Variants in TPST2 observed in about 807,000 individuals in gnomAD.
TPST2 encodes the protein tyrosylprotein sulfotransferase 2.
TPST2 carries 16 observed loss-of-function variants against 27.8 expected under a neutral mutation model. The observed-to-expected ratio is 0.58, with a 90% confidence interval of 0.39 to 0.88. The LOEUF (loss-of-function observed/expected upper bound fraction) is 0.88. Among genes scored for constraint, TPST2 ranks in the 40% least tolerant of loss-of-function variants. TPST2 has a pLI of 0.00. For synonymous variants in TPST2, 229 were observed against 231.7 expected, an observed-to-expected ratio of 0.99 and a Z score of 0.10; for missense variants, 464 against 543.1, an observed-to-expected ratio of 0.85 and a Z score of 1.45.
At chr22:26,540,151 A>G (rs986901405) in intron 3 of TPST2, among the ~76,000 whole-genome samples, 2 of 152,238 alleles carry the variant, frequency 1.3e-5, no homozygotes, top group African/African-American at 4.8e-5. Context: ...CATGTTACAG[A>G]TGAAGCAATG....
At chr22:26,557,730 G>A (rs1223912142) in intron 1 of TPST2, among the ~76,000 whole-genome samples, 3 of 112,760 alleles carry the variant, frequency 2.7e-5, no homozygotes, top group Non-Finnish European at 4.0e-5. Context: ...TAGCTGCTGG[G>A]GGACCCAGGG....
Position 26,541,790 on chromosome 22 carries a change from C to G in TPST2, c.-88-72G>C. 2.2e-6 allele frequency: 3 copies of G among 1,351,004 alleles called. No homozygotes were observed. The highest frequency in any genetic ancestry group is 2.9e-6 in the Non-Finnish European group (3 of 1,029,914). 83.7% of individuals were successfully genotyped at this position (1,351,004 alleles called of 1,614,324 possible). ...TGAGCTCTCCAATAACTGCAAAGCCCTATAACTGCAAACAAGAGGCTGCTG... is the reference window on the plus strand; with the variant it reads ...TGAGCTCTCCAATAACTGCAAAGCCGTATAACTGCAAACAAGAGGCTGCTG... On this transcript the variant is annotated intron_variant, in intron 2 of 6. Coordinates refer to ENST00000338754, the MANE Select transcript of TPST2 (RefSeq NM_003595.5). This position sits in a 1 kb window ranked among gnomAD's most constrained non-coding sequence, Gnocchi z 5.9.
At chr22:26,540,768 A>T in intron 3 of TPST2, 21 bp downstream of exon 3, 1 of 1,543,812 alleles carries the variant, frequency 6.5e-7, no homozygotes, top group Non-Finnish European at 8.7e-7. Context: ...TCTGAGTGGA[A>T]GCATCAGGGG....
chr22:26,568,755 T>C (rs1569193196), intron 1 of TPST2, among the ~76,000 whole-genome samples: 1 of 152,196 alleles, frequency 6.6e-6, no homozygotes, highest in Admixed American at 6.5e-5. Flanking sequence ...TAACCATAAA[T>C]ATAGCCAACC....
In TPST2 at chr22:26,541,193, G is replaced by A. The variant is rs981597344; in HGVS notation, c.438C>T (p.Ala146=). The A allele has an allele frequency of 3.8e-6, 6 of 1,590,590 alleles. No individual in the cohort carries two copies. Among genetic ancestry groups the A allele is most frequent in the Non-Finnish European group, 5.1e-6 (6 of 1,166,312 alleles). The change falls in exon 3 of 7, where the codon GCC becomes GCT. Residue 146 remains alanine, a synonymous_variant. Coordinates refer to ENST00000338754, the MANE Select transcript of TPST2 (RefSeq NM_003595.5). The surrounding 1 kb of genome is among the most constrained non-coding windows in gnomAD (Gnocchi z 5.9). The part of the protein sequence containing the change: ...AMQAFILEVI[A]KHGEPARVLC... ...GCACGCGGGCCGGCTCTCCGTGCTT[G>A]GCAATCACCTCCAGGATGAAGGCCT...
At chr22:26,536,519 G>A in intron 3 of TPST2, 33 bp from the exon 4 acceptor site, 2 of 1,472,246 alleles carry the variant, frequency 1.4e-6, no homozygotes, top group South Asian at 1.5e-5. Context: ...AGAGGGTAGG[G>A]CAGACCCAGA....
At chr22:26,578,852 T>TC (rs1194217838) in intron 1 of TPST2, among the ~76,000 whole-genome samples, 3 of 151,132 alleles carry the variant, frequency 2.0e-5, no homozygotes, top group Non-Finnish European at 3.0e-5. Flanking sequence ...TTTCTTTCTT[T>TC]CTTTTTTTTT....
chr22:26,580,181 C>G (rs1290732859), intron 1 of TPST2, among the ~76,000 whole-genome samples: 1 of 152,124 alleles, frequency 6.6e-6, no homozygotes, highest in Non-Finnish European at 1.5e-5. Flanking sequence ...GAGTTCAAGG[C>G]TGCAATGCTG....
At chr22:26,549,683 A>G (rs1366676940) in intron 1 of TPST2, among the ~76,000 whole-genome samples, 4 of 148,512 alleles carry the variant, frequency 2.7e-5, no homozygotes, top group Admixed American at 6.7e-5. Context: ...AAAGAAAAAG[A>G]AAAAAGAAAA....
intron 1 of TPST2, among the ~76,000 whole-genome samples, chr22:26,563,171 T>C (rs1447618802): frequency 1.3e-5 from 2 of 152,110 alleles, no homozygotes; most frequent in South Asian, 2.1e-4. Context: ...CCAGTAAACA[T>C]TGCTTGAGCA....
chr22:26,541,245 G>T lies in TPST2; in HGVS notation c.386C>A (p.Thr129Lys). The T allele has an allele frequency of 6.5e-7, 1 of 1,549,148 alleles. No individual in the cohort carries two copies. Among genetic ancestry groups the T allele is most frequent in the Non-Finnish European group, 8.7e-7 (1 of 1,145,424 alleles). ...CATGGCGGCGTCCAGCACCTCATCC[G>T]TCACCCCCGCCTCATCCAGCCGCAG... ...EKLRLDEAGV[T>K]DEVLDAAMQA... The change falls in exon 3 of 7, where the codon ACG becomes AAG. Residue 129 changes from threonine (T) to lysine (K), a missense_variant. Physicochemically the swap from Thr to Lys is moderately conservative, Grantham distance 78 (BLOSUM62 -1). Transcript: ENST00000338754. This position sits in a 1 kb window ranked among gnomAD's most constrained non-coding sequence, Gnocchi z 5.9.
At chr22:26,553,087 GAC>G (rs1377061887) in intron 1 of TPST2, among the ~76,000 whole-genome samples, 1 of 105,586 alleles carries the variant, frequency 9.5e-6, no homozygotes, top group African/African-American at 3.5e-5. Context: ...AAAAAAAAAA[GAC>G]ACTATCAGCA....
chr22:26,529,676 A>C (rs1319545443), intron 5 of TPST2, among the ~76,000 whole-genome samples: 1 of 152,194 alleles, frequency 6.6e-6, no homozygotes, highest in Admixed American at 6.5e-5. Context: ...TCTGTGACCC[A>C]TCCCCCATAC....
chr22:26,550,095 G>C (rs536623979), intron 1 of TPST2, among the ~76,000 whole-genome samples: 1 of 151,880 alleles, frequency 6.6e-6, no homozygotes, highest in Non-Finnish European at 1.5e-5. Flanking sequence ...AGGAAACTTT[G>C]CTCCCTCTTT....
At position 26,547,893 on chromosome 22, in the gene TPST2, G is replaced by A. The variant is rs148967530; in HGVS notation, c.-160-3218C>T. Among the ~76,000 whole-genome samples, 8 of 152,320 alleles carry A rather than the reference G, an allele frequency of 5.3e-5. No homozygotes were observed. In the East Asian group the frequency reaches 1.3e-3, roughly 26 times the overall value. On this transcript the variant is annotated intron_variant, in intron 1 of 6. Coordinates refer to ENST00000338754, the MANE Select transcript of TPST2 (RefSeq NM_003595.5). ...TATTTTTCTCCTAAAAACATAACTT[G>A]ATGGTGTCATCTTATTGTCTTTCCA...
chr22:26,533,957 G>A (rs1925309216), intron 4 of TPST2, among the ~76,000 whole-genome samples: 1 of 152,164 alleles, frequency 6.6e-6, no homozygotes, highest in South Asian at 2.1e-4. Flanking sequence ...TTATAGACAT[G>A]AGCCATCATG....
Position 26,574,749 on chromosome 22 carries a change from T to A in TPST2, c.-161+15304A>T, listed in dbSNP as rs117143092. ...TGCAATGAAGGAGCACTCACCAGCA[T>A]CCTCACCACCCAGAATGTAGGCTCC... On this transcript the variant is annotated intron_variant, in intron 1 of 6. Coordinates refer to ENST00000338754, the MANE Select transcript of TPST2 (RefSeq NM_003595.5). Among the ~76,000 whole-genome samples the A allele has an allele frequency of 3.0e-3, 460 of 152,168 alleles. 13 individuals are homozygous for A. The East Asian group carries it at 0.058, about 19-fold the overall frequency.
At chr22:26,559,541 A>G (rs1418819083) in intron 1 of TPST2, among the ~76,000 whole-genome samples, 1 of 152,140 alleles carries the variant, frequency 6.6e-6, no homozygotes, top group Non-Finnish European at 1.5e-5. Context: ...ACCCTTACGT[A>G]TCAAACTGTA....
intron 1 of TPST2, chr22:26,560,824 C>T (rs1258943485): frequency 2.5e-5 from 37 of 1,509,116 alleles, no homozygotes; most frequent in Middle Eastern, 1.8e-4. Context: ...AGGACTCCTT[C>T]GGCCTTCTTC....
Sources: gnomAD v4.1 joint callset for allele counts (sites outside exome capture counted in the v4.1 genomes callset) on GRCh38, gnomAD v4.1.1 for gene constraint, Gnocchi (gnomAD v3.1) non-coding constraint, MANE v1.5 for transcripts, NCBI Gene and HGNC (gene_info 2026-07-23, HGNC 2026-07-21) for gene names.